The following CARMIL1 variants were observed in gnomAD, a reference collection of about 807,000 sequenced individuals.
The protein encoded by CARMIL1 is capping protein regulator and myosin 1 linker 1, also known as F-actin-uncapping protein LRRC16A.
Under a neutral mutation model 177.1 loss-of-function variants are expected in CARMIL1, and 90 were observed. That is an observed-to-expected ratio of 0.51 (90% CI 0.43 to 0.61). The LOEUF (loss-of-function observed/expected upper bound fraction) is 0.61, where lower values mean the gene tolerates loss of function less well. CARMIL1 is among the 20% of genes least tolerant of loss of function. The pLI is 0.00. For missense variants in CARMIL1, 1,380 were observed against 1,667.0 expected, an observed-to-expected ratio of 0.83 and a Z score of 3.00; for synonymous variants, 577 against 606.2, an observed-to-expected ratio of 0.95 and a Z score of 0.71.
intron 12 of CARMIL1, among the ~76,000 whole-genome samples, chr6:25,487,255 A>G (rs1802754925): frequency 6.6e-6 from 1 of 152,150 alleles, no homozygotes; most frequent in South Asian, 2.1e-4. Flanking sequence ...CTGCACCTGC[A>G]CCCCACAGCT....
intron 2 of CARMIL1, among the ~76,000 whole-genome samples, chr6:25,350,436 C>T (rs1167731889): frequency 2.0e-5 from 3 of 152,138 alleles, no homozygotes; most frequent in Non-Finnish European, 4.4e-5. Flanking sequence ...ACTGGGGCCA[C>T]CGTCTCACCA....
At chr6:25,427,859 G>A (rs942237871) in intron 4 of CARMIL1, among the ~76,000 whole-genome samples, 5 of 152,060 alleles carry the variant, frequency 3.3e-5, no homozygotes, top group African/African-American at 1.2e-4. Flanking sequence ...ATTTCCTTCT[G>A]CCATTACAGA....
intron 2 of CARMIL1, among the ~76,000 whole-genome samples, chr6:25,332,837 A>G (rs1482718976): frequency 1.3e-5 from 2 of 151,052 alleles, no homozygotes; most frequent in East Asian, 1.9e-4. Context: ...ATGTGATTCT[A>G]CTATGGTTTC....
rs2150943746 is a variant in CARMIL1 at position 25,472,525 on chromosome 6, C to T, written c.874+4C>T. 1 of 1,559,866 alleles carries T rather than the reference C, an allele frequency of 6.4e-7. No individual in the cohort carries two copies. The highest frequency in any genetic ancestry group is 1.2e-5 in the South Asian group (1 of 84,566). ...GGCAACCCACTGGAGGATAGAGGTACTGCAGAGTTCTCATTATCATTGATG... is the reference window on the plus strand; with the variant it reads ...GGCAACCCACTGGAGGATAGAGGTATTGCAGAGTTCTCATTATCATTGATG... On this transcript the variant is annotated splice_donor_region_variant and intron_variant, in intron 11 of 36. Transcript: ENST00000329474.
At chr6:25,421,782 A>G (rs1245750802) in intron 3 of CARMIL1, among the ~76,000 whole-genome samples, 40 of 148,486 alleles carry the variant, frequency 2.7e-4, no homozygotes, top group Non-Finnish European at 4.2e-4. Flanking sequence ...AAAAAACCAA[A>G]CACCGCATGT....
intron 24 of CARMIL1, among the ~76,000 whole-genome samples, chr6:25,532,309 C>A (rs1288522212): frequency 6.6e-6 from 1 of 152,088 alleles, no homozygotes; most frequent in African/African-American, 2.4e-5. Context: ...CAGCAGCAAC[C>A]TTTAATGCTT....
chr6:25,531,874 A>T (rs765297621), intron 24 of CARMIL1, among the ~76,000 whole-genome samples: 1 of 151,632 alleles, frequency 6.6e-6, no homozygotes, highest in Non-Finnish European at 1.5e-5. Context: ...TGGTTCAAGC[A>T]ATTCTTCTGC....
At chr6:25,302,623 T>G (rs1782949223) in intron 2 of CARMIL1, among the ~76,000 whole-genome samples, 1 of 152,224 alleles carries the variant, frequency 6.6e-6, no homozygotes. Context: ...GCTGCTTTCC[T>G]CAGGGGCCCA....
At chr6:25,390,583 A>C (rs544288365) in intron 2 of CARMIL1, among the ~76,000 whole-genome samples, 2 of 151,690 alleles carry the variant, frequency 1.3e-5, no homozygotes, top group Non-Finnish European at 2.9e-5. Context: ...CAGCCTCCCA[A>C]AGTGGTGGGA....
Position 25,554,145 on chromosome 6 carries a change from G to C in CARMIL1, c.2592+49G>C. ...CAGGACCTCCTGTTTCAGCTCTGCT[G>C]TGATGCAGGATGACTTCCGGTGTGG... On this transcript the variant is annotated intron_variant, in intron 28 of 36. Coordinates refer to ENST00000329474, the MANE Select transcript of CARMIL1 (RefSeq NM_017640.6). The surrounding 1 kb of genome is among the most constrained non-coding windows in gnomAD (Gnocchi z 4.6). 3 of 1,292,504 alleles carry C rather than the reference G, an allele frequency of 2.3e-6. No homozygotes were observed. Among genetic ancestry groups the C allele is most frequent in the Non-Finnish European group, 3.3e-6 (3 of 908,304 alleles). The allele number at this position is 1,292,504 out of a possible 1,614,324, so 80.1% of individuals were successfully genotyped here.
chr6:25,438,406 A>G (rs952829143), intron 5 of CARMIL1, among the ~76,000 whole-genome samples: 36 of 152,368 alleles, frequency 2.4e-4, no homozygotes, highest in African/African-American at 8.2e-4. Context: ...AGGGAAATAC[A>G]TAAATCAAGT....
At chr6:25,454,440 A>C (rs1582009246) in intron 8 of CARMIL1, among the ~76,000 whole-genome samples, 1 of 152,334 alleles carries the variant, frequency 6.6e-6, no homozygotes, top group South Asian at 2.1e-4. Context: ...GTCTGCTGAT[A>C]CCTGCTCTAG....
chr6:25,346,716 GA>G (rs11304352), intron 2 of CARMIL1, among the ~76,000 whole-genome samples: 19,250 of 152,106 alleles, frequency 0.13, 1,481 homozygotes, highest in African/African-American at 0.22. Flanking sequence ...TTGTTTAAGA[GA>G]AAAATAACTA....
intron 23 of CARMIL1, among the ~76,000 whole-genome samples, chr6:25,525,424 G>A (rs1441005169): frequency 6.6e-6 from 1 of 152,022 alleles, no homozygotes; most frequent in East Asian, 1.9e-4. Context: ...AGACTTTCTA[G>A]GATAAACAAA....
At chr6:25,441,618 T>A (rs995691750) in intron 5 of CARMIL1, among the ~76,000 whole-genome samples, 3 of 151,864 alleles carry the variant, frequency 2.0e-5, no homozygotes, top group Non-Finnish European at 2.9e-5. Context: ...AAGAAGAAAA[T>A]TTAAGTTAAA....
In CARMIL1 at chr6:25,516,183, A is replaced by G. The variant is rs536327668; in HGVS notation, c.1805+336A>G. ...CTAGGAGGGTTTTGTAGGCAACACT[A>G]AGTGAGCAGAGCCCATACTTCTCTG... On this transcript the variant is annotated intron_variant, in intron 21 of 36. Transcript: ENST00000329474. Among the ~76,000 whole-genome samples the G allele has an allele frequency of 1.3e-4, 20 of 152,310 alleles. No homozygotes were observed. The South Asian group carries it at 3.3e-3, about 25-fold the overall frequency.
At chr6:25,610,230 G>C in intron 36 of CARMIL1, 49 bp downstream of exon 36, 1 of 1,550,838 alleles carries the variant, frequency 6.4e-7, no homozygotes, top group African/African-American at 1.4e-5. Context: ...TCCCCAAGGA[G>C]GGACATTTCA....
intron 2 of CARMIL1, among the ~76,000 whole-genome samples, chr6:25,340,153 G>C (rs1431447829): frequency 6.6e-6 from 1 of 151,604 alleles, no homozygotes; most frequent in Non-Finnish European, 1.5e-5. Context: ...AGAACTAAAA[G>C]AGAAATTTGA....
At chr6:25,332,755 A>G (rs1785768306) in intron 2 of CARMIL1, among the ~76,000 whole-genome samples, 1 of 138,922 alleles carries the variant, frequency 7.2e-6, no homozygotes. Flanking sequence ...ACACACACAC[A>G]CACACACACA....
Sources: gnomAD v4.1 joint callset for allele counts (sites outside exome capture counted in the v4.1 genomes callset) on GRCh38, gnomAD v4.1.1 for gene constraint, Gnocchi (gnomAD v3.1) non-coding constraint, MANE v1.5 for transcripts, NCBI Gene and HGNC (gene_info 2026-07-23, HGNC 2026-07-21) for gene names.